SLC26A5: variants seen among roughly 807,000 people sequenced by gnomAD.
SLC26A5 encodes prestin.
A neutral mutation model predicts 81.0 loss-of-function variants in SLC26A5; 51 were observed. That is an observed-to-expected ratio of 0.63 (90% CI 0.50 to 0.80). SLC26A5 has a LOEUF of 0.80. SLC26A5 is among the 30% of genes least tolerant of loss of function. The pLI, the probability that SLC26A5 is intolerant of heterozygous loss-of-function variation, is 0.00. For synonymous variants in SLC26A5, 325 were observed against 332.8 expected (o/e 0.98, Z 0.25); for missense variants, 771 against 905.8 (o/e 0.85, Z 1.91).
At chr7:103,412,550 T>G (rs1039634684) in intron 5 of SLC26A5, among the ~76,000 whole-genome samples, 6 of 136,260 alleles carry the variant, frequency 4.4e-5, no homozygotes, top group Non-Finnish European at 7.5e-5. Flanking sequence ...TAGTTTTTTT[T>G]TTGTTTTTTT....
chr7:103,400,176 CA>C (rs1390942009), intron 8 of SLC26A5, among the ~76,000 whole-genome samples: 1 of 152,110 alleles, frequency 6.6e-6, no homozygotes, highest in East Asian at 1.9e-4. Context: ...AACTAATTTA[CA>C]CTCCCACCAA....
At chr7:103,445,025 C>T (rs965822818) in intron 1 of SLC26A5, among the ~76,000 whole-genome samples, 3 of 152,182 alleles carry the variant, frequency 2.0e-5, no homozygotes, top group African/African-American at 7.2e-5. Context: ...TTAGATAATA[C>T]ATTTATATCT....
chr7:103,439,669 G>T (rs945571347), intron 2 of SLC26A5, among the ~76,000 whole-genome samples: 1 of 152,186 alleles, frequency 6.6e-6, no homozygotes, highest in Non-Finnish European at 1.5e-5. Context: ...GAGCAGCTGG[G>T]ATTACAGGCA....
At chr7:103,408,817 G>T (rs974632566) in intron 7 of SLC26A5, among the ~76,000 whole-genome samples, 3 of 152,138 alleles carry the variant, frequency 2.0e-5, no homozygotes, top group Admixed American at 6.5e-5. Flanking sequence ...TACCAACTGG[G>T]CACCTCAAAT....
chr7:103,445,572 C>A (rs1225199124), intron 1 of SLC26A5: 5 of 152,234 alleles, frequency 3.3e-5, no homozygotes, highest in Admixed American at 1.3e-4. Context: ...GAGCCTTGCC[C>A]GGCGCTGAGC....
rs1827304950 is a variant in SLC26A5, at chr7:103,446,198, C to T, written c.-283G>A. 2.0e-5 allele frequency: 3 copies of T among 151,408 alleles called. No homozygotes were observed. In the South Asian group the frequency reaches 6.2e-4, roughly 31 times the overall value. 9.4% of individuals were successfully genotyped at this position (151,408 alleles called of 1,614,324 possible). On this transcript the variant is annotated 5_prime_UTR_variant, in exon 1 of 20. Coordinates refer to ENST00000306312, the MANE Select transcript of SLC26A5 (RefSeq NM_198999.3). ...CAGGTGCGGCTCTAGGAGGAGGCGC[C>T]GCGGGCAGTGCCGGCCGCGCCCCGC...
At chr7:103,430,161 C>A (rs1825971315) in intron 2 of SLC26A5, among the ~76,000 whole-genome samples, 1 of 149,484 alleles carries the variant, frequency 6.7e-6, no homozygotes, top group Non-Finnish European at 1.5e-5. Flanking sequence ...TCACTGCAAC[C>A]TCTGCCTCCT....
intron 19 of SLC26A5, among the ~76,000 whole-genome samples, chr7:103,363,144 T>A (rs1820511191): frequency 6.6e-6 from 1 of 152,182 alleles, no homozygotes; most frequent in Non-Finnish European, 1.5e-5. Context: ...GTCTTTATTT[T>A]ACTAGTTTGT....
chr7:103,360,359 C>T (rs1008450127), intron 19 of SLC26A5, among the ~76,000 whole-genome samples: 1 of 152,006 alleles, frequency 6.6e-6, no homozygotes, highest in Non-Finnish European at 1.5e-5. Context: ...TTTGGTCAGC[C>T]TCTTTTTTTT....
At chr7:103,372,104 T>C (rs1304472911), downstream of SLC26A5, among the ~76,000 whole-genome samples, 1 of 152,244 alleles carries the variant, frequency 6.6e-6, no homozygotes, top group African/African-American at 2.4e-5. Context: ...TGCAACTACA[T>C]GCTCTTTCAG....
At chr7:103,435,727 T>C (rs1163108937) in intron 2 of SLC26A5, among the ~76,000 whole-genome samples, 2 of 152,144 alleles carry the variant, frequency 1.3e-5, no homozygotes, top group Non-Finnish European at 2.9e-5. Flanking sequence ...TACAGGGGGT[T>C]CTTTCTAGGG....
intron 16 of SLC26A5, among the ~76,000 whole-genome samples, chr7:103,378,803 T>A (rs962179978): frequency 1.3e-5 from 2 of 152,212 alleles, no homozygotes; most frequent in Admixed American, 6.5e-5. Flanking sequence ...GCAGTCTTTT[T>A]CAAGTTCAGA....
intron 19 of SLC26A5, among the ~76,000 whole-genome samples, chr7:103,356,014 A>G (rs1820011597): frequency 6.6e-6 from 1 of 152,232 alleles, no homozygotes; most frequent in Non-Finnish European, 1.5e-5. Flanking sequence ...ATATAAAAAG[A>G]TGTAGAGCAA....
At chr7:103,429,300 T>G (rs1484914480) in intron 2 of SLC26A5, among the ~76,000 whole-genome samples, 1 of 152,242 alleles carries the variant, frequency 6.6e-6, no homozygotes, top group East Asian at 1.9e-4. Context: ...ATTTATAACT[T>G]TAATAATGCA....
chr7:103,358,591 C>T (rs969514292), intron 19 of SLC26A5, among the ~76,000 whole-genome samples: 10 of 151,686 alleles, frequency 6.6e-5, no homozygotes, highest in South Asian at 6.2e-4. Context: ...TTTTTCTTCT[C>T]GTAGGTTTTT....
chr7:103,390,065 A>G (rs536524931), intron 12 of SLC26A5, among the ~76,000 whole-genome samples: 32 of 152,302 alleles, frequency 2.1e-4, no homozygotes, highest in African/African-American at 7.2e-4. Context: ...CCTGATCTCT[A>G]CTAGATTAAA....
chr7:103,393,091 T>C, intron 9 of SLC26A5, 25 bp from the exon 10 acceptor site: 1 of 1,613,712 alleles, frequency 6.2e-7, no homozygotes, highest in South Asian at 1.1e-5. Flanking sequence ...TGCCTTTAAC[T>C]TGTGTTGTGA....
At position 103,397,971 on chromosome 7, in the gene SLC26A5, T is replaced by A. The variant is rs1368302198; in HGVS notation, c.932A>T (p.Glu311Val). Residue 311 changes from glutamate to valine, a missense_variant, in exon 9 of 20, where the codon GAA becomes GTA. Glu to Val is a moderately radical substitution (Grantham distance 121). Transcript: ENST00000306312. The stretch of plus-strand genomic sequence containing the variant: ...TCCAACGACATCCACATTGTATGAT[T>A]CTTTCAAGTTAAACCCAGCTGAAAT... The part of the protein sequence containing the change: ...TGISAGFNLK[E>V]SYNVDVVGTL... 6.2e-7 allele frequency: 1 copy of A among 1,613,990 alleles called. No individual in the cohort carries two copies. The highest frequency in any genetic ancestry group is 1.3e-5 in the African/African-American group (1 of 74,920).
intron 19 of SLC26A5, among the ~76,000 whole-genome samples, chr7:103,360,247 AT>A (rs1820302621): frequency 6.6e-6 from 1 of 152,158 alleles, no homozygotes. Context: ...ATAACTAGAC[AT>A]TTAAAATAAT....
Sources: gnomAD v4.1 joint callset for allele counts (sites outside exome capture counted in the v4.1 genomes callset) on GRCh38, gnomAD v4.1.1 for gene constraint, MANE v1.5 for transcripts, NCBI Gene and HGNC (gene_info 2026-07-23, HGNC 2026-07-21) for gene names.